The following VAV2 variants were observed in gnomAD, a reference collection of about 807,000 sequenced individuals.
VAV2 encodes vav guanine nucleotide exchange factor 2, also known as guanine nucleotide exchange factor VAV2.
A neutral mutation model predicts 132.5 loss-of-function variants in VAV2; 67 were observed. That is an observed-to-expected ratio of 0.51 (90% CI 0.42 to 0.62). The LOEUF is 0.62. Ranked by LOEUF, VAV2 falls within the 20% of genes least tolerant of loss-of-function variation. The pLI, the probability that VAV2 is intolerant of heterozygous loss-of-function variation, is 0.00. For missense variants in VAV2, 938 were observed against 1,153.6 expected (o/e 0.81, Z 2.71); for synonymous variants, 492 against 443.5 (o/e 1.11, Z -1.37).
Position 133,991,608 on chromosome 9 carries a change from C to T in VAV2, c.204+467G>A, listed in dbSNP as rs903253789. Among the ~76,000 whole-genome samples the T allele has an allele frequency of 1.3e-5, 2 of 151,514 alleles. No individual in the cohort carries two copies. Among genetic ancestry groups the T allele is most frequent in the South Asian group, 2.1e-4 (1 of 4,824 alleles). On this transcript the variant is annotated intron_variant, in intron 1 of 29. Transcript: ENST00000371850. The surrounding 1 kb of genome is among the most constrained non-coding windows in gnomAD (Gnocchi z 4.8). ...GAGGGCTCCCGCCCCGCGCCCCTCCCGGGCCCTCCAGCCGCGCCCCGGGCC... is the reference window on the plus strand; with the variant it reads ...GAGGGCTCCCGCCCCGCGCCCCTCCTGGGCCCTCCAGCCGCGCCCCGGGCC...
intron 4 of VAV2, 30 bp from the exon 5 acceptor site, chr9:133,812,246 G>A: frequency 1.2e-6 from 2 of 1,607,342 alleles, no homozygotes; most frequent in Non-Finnish European, 1.7e-6. Flanking sequence ...TTAGAGGGGA[G>A]GGGAGGCTCC....
At chr9:133,867,797 A>T (rs1837866488) in intron 2 of VAV2, among the ~76,000 whole-genome samples, 1 of 152,236 alleles carries the variant, frequency 6.6e-6, no homozygotes, top group African/African-American at 2.4e-5. Context: ...TAGCTGGACG[A>T]CTGAGGATGC....
chr9:133,823,988 TG>T lies in VAV2; in HGVS notation c.449+10283del, dbSNP rs939492448. 6.7e-6 allele frequency among the ~76,000 whole-genome samples: 1 copy of T among 148,896 alleles called. No homozygotes were observed. Among genetic ancestry groups the T allele is most frequent in the Admixed American group, 6.7e-5 (1 of 14,974 alleles). On this transcript the variant is annotated intron_variant, in intron 4 of 29. Transcript: ENST00000371850. This position sits in a 1 kb window ranked among gnomAD's most constrained non-coding sequence, Gnocchi z 5.5. The stretch of plus-strand genomic sequence containing the variant: ...ACGGCCTCTCCCTCAGTGGTGGGGG[TG>T]GGGGAGCAGGGTTTCGAGGTCACTG...
intron 20 of VAV2, chr9:133,780,141 C>A: frequency 1.5e-6 from 1 of 650,122 alleles, no homozygotes. Flanking sequence ...ACCTCCACTC[C>A]TGGAAGGTCT....
chr9:133,936,042 A>G (rs1840896757), intron 2 of VAV2, among the ~76,000 whole-genome samples: 1 of 152,104 alleles, frequency 6.6e-6, no homozygotes, highest in Admixed American at 6.5e-5. Flanking sequence ...GAGACCCTGC[A>G]CACATGGCTT....
chr9:133,764,120 T>C lies in VAV2; in HGVS notation c.2590-11A>G. The C allele has an allele frequency of 6.2e-7, 1 of 1,606,998 alleles. No homozygotes were observed. Among genetic ancestry groups the C allele is most frequent in the South Asian group, 1.1e-5 (1 of 90,682 alleles). ...AGGAAACCAGCCAATCTGAAAAAGA[T>C]GGTAAGATCGTGTCTGTGTGTGTGT... On this transcript the variant is annotated splice_polypyrimidine_tract_variant and intron_variant, in intron 29 of 29. Coordinates refer to ENST00000371850, the MANE Select transcript of VAV2 (RefSeq NM_001134398.2).
chr9:133,888,264 C>G (rs932261298), intron 2 of VAV2, among the ~76,000 whole-genome samples: 1 of 152,232 alleles, frequency 6.6e-6, no homozygotes, highest in African/African-American at 2.4e-5. Context: ...TGAAGCAGTT[C>G]GGGAGACGGA....
At position 133,795,547 on chromosome 9, in the gene VAV2, C is replaced by A; in HGVS notation, c.1101+121G>T. The A allele has an allele frequency of 2.3e-6, 3 of 1,279,434 alleles. No homozygotes were observed. The East Asian group carries it at 7.0e-5, about 30-fold the overall frequency. 79.3% of individuals were successfully genotyped at this position (1,279,434 alleles called of 1,614,324 possible). On this transcript the variant is annotated intron_variant, in intron 12 of 29. Coordinates refer to ENST00000371850, the MANE Select transcript of VAV2 (RefSeq NM_001134398.2). ...GCCCTGCCCTGCCCTGCCCCAACTC[C>A]TGCTGTCCCAGGAAACTGTCCACAG...
chr9:133,941,487 A>G (rs967788576), intron 1 of VAV2, among the ~76,000 whole-genome samples: 2 of 152,122 alleles, frequency 1.3e-5, no homozygotes, highest in Admixed American at 1.3e-4. Flanking sequence ...ACATGTGGCT[A>G]GTAACTGCTA....
intron 2 of VAV2, among the ~76,000 whole-genome samples, chr9:133,870,781 GTATGTGGGTGGA>G (rs1463642219): frequency 7.0e-6 from 1 of 143,068 alleles, no homozygotes; most frequent in African/African-American, 2.5e-5. Flanking sequence ...GGATAAGTGG[GTATGTGGGTGGA>G]TAAGTGGGTG....
chr9:133,806,735 C>T (rs368726941), intron 8 of VAV2, among the ~76,000 whole-genome samples: 44 of 152,330 alleles, frequency 2.9e-4, no homozygotes, highest in Middle Eastern at 3.4e-3. Flanking sequence ...AGCCACCGCA[C>T]GGGCTGCTGG....
At chr9:133,979,473 C>A (rs1330677037) in intron 1 of VAV2, among the ~76,000 whole-genome samples, 1 of 152,166 alleles carries the variant, frequency 6.6e-6, no homozygotes, top group South Asian at 2.1e-4. Context: ...GAGGACGGCT[C>A]GGCTCCCAGG....
In VAV2 at chr9:133,919,239, C is replaced by T. The variant is rs932118046; in HGVS notation, c.321+19864G>A. Among the ~76,000 whole-genome samples, 2 of 152,214 alleles carry T rather than the reference C, an allele frequency of 1.3e-5. No individual in the cohort carries two copies. The highest frequency in any genetic ancestry group is 2.4e-5 in the African/African-American group (1 of 41,462). On this transcript the variant is annotated intron_variant, in intron 2 of 29. Transcript: ENST00000371850. This position sits in a 1 kb window ranked among gnomAD's most constrained non-coding sequence, Gnocchi z 5.8. The stretch of plus-strand genomic sequence containing the variant: ...CTCCCCAACCACTGAAAGGTAAAAT[C>T]ACAACTGCCTGCTGTCCTGGAAGCT...
intron 1 of VAV2, among the ~76,000 whole-genome samples, chr9:133,951,539 G>A (rs538041593): frequency 8.5e-5 from 13 of 152,110 alleles, no homozygotes; most frequent in East Asian, 1.9e-4. Flanking sequence ...CCTGTGCTTC[G>A]TGAGGCCCAT....
At chr9:133,933,878 GAT>G (rs1840791482) in intron 2 of VAV2, among the ~76,000 whole-genome samples, 1 of 132,628 alleles carries the variant, frequency 7.5e-6, no homozygotes, top group Non-Finnish European at 1.6e-5. Flanking sequence ...TGGATGGATG[GAT>G]GAATGATGGA....
At chr9:133,841,283 C>T (rs1000716151) in intron 3 of VAV2, among the ~76,000 whole-genome samples, 12 of 151,882 alleles carry the variant, frequency 7.9e-5, no homozygotes, top group African/African-American at 2.9e-4. Flanking sequence ...GGCCCCCACA[C>T]CACCACCGCC....
In VAV2 at chr9:133,814,656, G is replaced by A. The variant is rs551720534; in HGVS notation, c.450-2440C>T. Among the ~76,000 whole-genome samples the A allele has an allele frequency of 3.3e-5, 5 of 152,364 alleles. No homozygotes were observed. In the East Asian group the frequency reaches 9.6e-4, roughly 29 times the overall value. ...GGACCTGGACAGGGGCCTGGAGATC[G>A]TCCCGTGCAGGGATGGCAAACGGCC... On this transcript the variant is annotated intron_variant, in intron 4 of 29. Coordinates refer to ENST00000371850, the MANE Select transcript of VAV2 (RefSeq NM_001134398.2).
intron 2 of VAV2, among the ~76,000 whole-genome samples, chr9:133,897,059 A>T (rs1483196295): frequency 6.6e-6 from 1 of 152,136 alleles, no homozygotes; most frequent in Non-Finnish European, 1.5e-5. Context: ...GTGCCACTGC[A>T]CTCCAGCCTG....
chr9:133,886,220 T>A (rs1838697880), intron 2 of VAV2, among the ~76,000 whole-genome samples: 1 of 152,112 alleles, frequency 6.6e-6, no homozygotes, highest in Non-Finnish European at 1.5e-5. Flanking sequence ...CTCCGCCACA[T>A]GCAAGAAACT....
Sources: allele counts gnomAD v4.1 joint callset (sites outside exome capture counted in the v4.1 genomes callset), GRCh38; gene constraint gnomAD v4.1.1; non-coding constraint Gnocchi (gnomAD v3.1); transcripts MANE v1.5; gene names NCBI Gene and HGNC (gene_info 2026-07-23, HGNC 2026-07-21).